Variants in CDK14 observed in about 807,000 individuals in gnomAD.
CDK14 encodes the protein cyclin dependent kinase 14, also known as cyclin-dependent kinase 14.
CDK14 carries 34 observed loss-of-function variants against 60.7 expected under a neutral mutation model. The ratio of observed to expected loss-of-function variants is 0.56; its 90% CI spans 0.43 to 0.75. The LOEUF is 0.75. Among genes scored for constraint, CDK14 ranks in the 30% least tolerant of loss-of-function variants. CDK14 has a pLI of 0.00. For synonymous variants in CDK14, 197 were observed against 203.7 expected, an observed-to-expected ratio of 0.97 and a Z score of 0.28; for missense variants, 482 against 564.1, an observed-to-expected ratio of 0.85 and a Z score of 1.47.
intron 14 of CDK14, among the ~76,000 whole-genome samples, chr7:91,176,088 A>G (rs1341866583): frequency 6.6e-6 from 1 of 151,654 alleles, no homozygotes; most frequent in East Asian, 1.9e-4. Flanking sequence ...ATGTAAAAGA[A>G]CAGAAATTAT....
chr7:91,016,981 T>C (rs1796317373), intron 10 of CDK14, among the ~76,000 whole-genome samples: 1 of 152,198 alleles, frequency 6.6e-6, no homozygotes, highest in Non-Finnish European at 1.5e-5. Context: ...CAAAATGATA[T>C]TAAGGAAGAA....
At chr7:90,915,291 T>G (rs1052276332) in intron 7 of CDK14, among the ~76,000 whole-genome samples, 1 of 151,952 alleles carries the variant, frequency 6.6e-6, no homozygotes, top group Non-Finnish European at 1.5e-5. Flanking sequence ...TACAAAAAAT[T>G]AGCTGGGCGT....
At chr7:91,141,087 C>T (rs897896762) in intron 14 of CDK14, among the ~76,000 whole-genome samples, 4 of 152,102 alleles carry the variant, frequency 2.6e-5, no homozygotes, top group African/African-American at 9.7e-5. Context: ...TGTACATCAG[C>T]AAAAAGCACA....
intron 14 of CDK14, among the ~76,000 whole-genome samples, chr7:91,146,671 C>G (rs1490436796): frequency 6.6e-6 from 1 of 152,140 alleles, no homozygotes; most frequent in Non-Finnish European, 1.5e-5. Flanking sequence ...AAAATCAGAT[C>G]CAGTTATTTG....
intron 9 of CDK14, among the ~76,000 whole-genome samples, chr7:90,983,566 G>C (rs112868823): frequency 2.0e-5 from 3 of 152,050 alleles, no homozygotes; most frequent in African/African-American, 7.2e-5. Flanking sequence ...TGTAGTCCCA[G>C]CTACTCGGGA....
At chr7:91,111,244 C>T (rs1310717970) in intron 12 of CDK14, among the ~76,000 whole-genome samples, 1 of 152,140 alleles carries the variant, frequency 6.6e-6, no homozygotes, top group Non-Finnish European at 1.5e-5. Flanking sequence ...ACCTCATCTT[C>T]TCTTCATACC....
At chr7:90,801,751 G>T (rs1298550379) in intron 5 of CDK14, among the ~76,000 whole-genome samples, 2 of 151,964 alleles carry the variant, frequency 1.3e-5, no homozygotes, top group African/African-American at 4.8e-5. Context: ...GTAGATTCCT[G>T]GGCTGTCCCA....
intron 10 of CDK14, among the ~76,000 whole-genome samples, chr7:90,994,769 G>C (rs988302028): frequency 2.0e-5 from 3 of 151,912 alleles, no homozygotes; most frequent in Non-Finnish European, 2.9e-5. Context: ...TTCCCTTTTT[G>C]ACTAACAAGT....
intron 5 of CDK14, among the ~76,000 whole-genome samples, chr7:90,860,968 A>G (rs780428362): frequency 7.2e-5 from 11 of 152,174 alleles, no homozygotes; most frequent in Non-Finnish European, 1.3e-4. Context: ...TTAGAGGAGT[A>G]GATACCCAGA....
Position 91,118,080 on chromosome 7 carries a change from C to T in CDK14, c.1310C>T (p.Thr437Ile). ...WELTDMSSIF[T>I]VPNVRLQPEA... Reference sequence around the variant, plus strand: ...CTGTCCACAGTGTCTTCTATTTTTACTGTCCCAAATGTGAGATTGCAACCA... The same window carrying T: ...CTGTCCACAGTGTCTTCTATTTTTATTGTCCCAAATGTGAGATTGCAACCA... The change falls in exon 14 of 15, where the codon ACT (threonine) becomes ATT (isoleucine). Residue 437 changes from threonine to isoleucine, a missense_variant. Physicochemically the swap from Thr to Ile is moderately conservative, Grantham distance 89. Coordinates refer to ENST00000380050, the MANE Select transcript of CDK14 (RefSeq NM_001287135.2). 1 of 1,607,304 alleles carries T rather than the reference C, an allele frequency of 6.2e-7. No individual in the cohort carries two copies. The highest frequency in any genetic ancestry group is 1.1e-5 in the South Asian group (1 of 90,790).
chr7:90,735,506 C>G (rs1171087017), intron 3 of CDK14, among the ~76,000 whole-genome samples: 1 of 152,218 alleles, frequency 6.6e-6, no homozygotes, highest in Non-Finnish European at 1.5e-5. Context: ...CAGAAATGCC[C>G]TGCCCAGAGA....
chr7:91,197,423 C>T (rs552732750), intron 14 of CDK14, among the ~76,000 whole-genome samples: 2 of 151,532 alleles, frequency 1.3e-5, no homozygotes, highest in African/African-American at 4.8e-5. Context: ...AAAAAAAGTC[C>T]CAAATCCTGG....
chr7:91,087,730 T>G (rs1004707793), intron 12 of CDK14, among the ~76,000 whole-genome samples: 1 of 152,078 alleles, frequency 6.6e-6, no homozygotes. Flanking sequence ...TGGATACCAC[T>G]CCTACATAGA....
intron 6 of CDK14, among the ~76,000 whole-genome samples, chr7:90,895,727 A>AT (rs35655255): frequency 0.059 from 6,158 of 104,966 alleles, 479 homozygotes; most frequent in East Asian, 0.18. Context: ...CACTTGGCTA[A>AT]TTTTTTTTTT....
At chr7:91,028,500 T>G (rs956379316) in intron 10 of CDK14, among the ~76,000 whole-genome samples, 8 of 152,254 alleles carry the variant, frequency 5.3e-5, no homozygotes, top group African/African-American at 1.9e-4. Context: ...TTAAGAAATC[T>G]CTATACTGTA....
chr7:90,838,888 G>C (rs1790200823), intron 5 of CDK14, among the ~76,000 whole-genome samples: 1 of 152,138 alleles, frequency 6.6e-6, no homozygotes, highest in East Asian at 1.9e-4. Flanking sequence ...CCTTTGCCTT[G>C]GGATCTTTTA....
intron 8 of CDK14, among the ~76,000 whole-genome samples, chr7:90,950,920 A>G (rs937472499): frequency 2.0e-4 from 30 of 152,218 alleles, no homozygotes; most frequent in African/African-American, 7.0e-4. Flanking sequence ...TTGTTTATTG[A>G]TACATTATAA....
intron 1 of CDK14, among the ~76,000 whole-genome samples, chr7:90,598,286 T>G (rs1365526876): frequency 3.3e-5 from 5 of 152,212 alleles, no homozygotes. Context: ...AATTTCAAGG[T>G]TTTGATCGAC....
intron 5 of CDK14, among the ~76,000 whole-genome samples, chr7:90,815,257 TG>T (rs1789301511): frequency 1.3e-5 from 2 of 152,226 alleles, no homozygotes; most frequent in Admixed American, 6.5e-5. Flanking sequence ...GAGTGCAGTT[TG>T]TGTTTCAATA....
Sources: allele counts gnomAD v4.1 joint callset (sites outside exome capture counted in the v4.1 genomes callset), GRCh38; gene constraint gnomAD v4.1.1; transcripts MANE v1.5; gene names NCBI Gene and HGNC (gene_info 2026-07-23, HGNC 2026-07-21).